TRPC5OS: variants seen among roughly 807,000 people sequenced by gnomAD.
TRPC5OS encodes TRPC5 opposite strand.
For synonymous variants in TRPC5OS, 30 were observed against 29.3 expected, an observed-to-expected ratio of 1.02 and a Z score of -0.08; for missense variants, 64 against 79.3, an observed-to-expected ratio of 0.81 and a Z score of 0.73.
chrX:111,877,451 G>A (rs149545660), intron 1 of TRPC5OS, among the ~76,000 whole-genome samples: 1,652 of 110,907 alleles, frequency 0.015, 29 homozygotes, highest in African/African-American at 0.052. Context: ...CCGAGGACAC[G>A]GAACTTTCAG....
intron 3 of TRPC5OS, among the ~76,000 whole-genome samples, chrX:111,898,468 A>G (rs185369755): frequency 1.0e-4 from 11 of 108,980 alleles, no homozygotes; most frequent in East Asian, 5.8e-4. Flanking sequence ...TCCCACATGC[A>G]TGGTTGAAGC....
At chrX:111,899,415 G>GGA (rs977777787) in intron 3 of TRPC5OS, among the ~76,000 whole-genome samples, 10 of 111,394 alleles carry the variant, frequency 9.0e-5, no homozygotes, top group African/African-American at 3.3e-4. Flanking sequence ...TCCAGTTTTA[G>GGA]GAGAGAGAGA....
rs1206321204 is a variant in TRPC5OS at position 111,886,255 on chromosome X, G to A, written c.-545-9696G>A. ...AGATCATGCCATTGCACTCCAGCCTGGGCGACAAGAGTGAAACTCTGTCAA... is the reference window on the plus strand; with the variant it reads ...AGATCATGCCATTGCACTCCAGCCTAGGCGACAAGAGTGAAACTCTGTCAA... On this transcript the variant is annotated intron_variant, in intron 1 of 3. Transcript: ENST00000635763. 2.7e-5 allele frequency among the ~76,000 whole-genome samples: 3 copies of A among 112,384 alleles called. No individual in the cohort carries two copies. The South Asian group carries it at 1.1e-3, about 42-fold the overall frequency.
rs58112324 is a variant in TRPC5OS, at chrX:111,898,251, T to TTATA, written c.-311+1779_-311+1782dup. Among the ~76,000 whole-genome samples, 492 of 92,362 alleles carry TTATA rather than the reference T, an allele frequency of 5.3e-3. 2 individuals carry two copies. Among genetic ancestry groups the TTATA allele is most frequent in the Middle Eastern group, 0.017 (3 of 179 alleles). The allele number at this position is 92,362 out of a possible 115,157, so 80.2% of individuals were successfully genotyped here. On this transcript the variant is annotated intron_variant, in intron 3 of 3. Transcript: ENST00000635763. The stretch of plus-strand genomic sequence containing the variant: ...TTTTATTATTGAGTTGTAGGGGTTC[T>TTATA]TATATATATATATATATATATATAT...
At chrX:111,901,254 T>A (rs1925328017) in intron 3 of TRPC5OS, among the ~76,000 whole-genome samples, 1 of 111,375 alleles carries the variant, frequency 9.0e-6, no homozygotes, top group South Asian at 3.8e-4. Flanking sequence ...TGACAGACCC[T>A]GCGTGAGTGT....
chrX:111,878,037 T>A (rs147696703), intron 1 of TRPC5OS, among the ~76,000 whole-genome samples: 1,346 of 110,955 alleles, frequency 0.012, 23 homozygotes, highest in African/African-American at 0.042. Context: ...AGTAAAGAAG[T>A]ATGGGCAGCA....
intron 1 of TRPC5OS, among the ~76,000 whole-genome samples, chrX:111,883,605 T>C (rs1022433486): frequency 8.9e-6 from 1 of 112,582 alleles, no homozygotes; most frequent in Non-Finnish European, 1.9e-5. Context: ...CGAATTTTGA[T>C]AAAGTATAGC....
At chrX:111,884,298 G>C (rs1348956371) in intron 1 of TRPC5OS, among the ~76,000 whole-genome samples, 1 of 112,515 alleles carries the variant, frequency 8.9e-6, no homozygotes, top group African/African-American at 3.2e-5. Flanking sequence ...CCTAGTCAGA[G>C]CCCAGTTTAG....
chrX:111,902,976 G>A lies in TRPC5OS; in HGVS notation c.*791G>A, dbSNP rs1250919079. The A allele has an allele frequency of 8.9e-6, 1 of 111,893 alleles. No individual in the cohort carries two copies. Among genetic ancestry groups the A allele is most frequent in the South Asian group, 3.7e-4 (1 of 2,696 alleles). The allele number at this position is 111,893 out of a possible 1,213,427, so 9.2% of individuals were successfully genotyped here. A position where few individuals can be genotyped will look rare whatever the true frequency, so the allele number is the denominator to read the frequency against. On this transcript the variant is annotated 3_prime_UTR_variant, in exon 4 of 4. Transcript: ENST00000635763. ...GCCCTACAAGGACTATTCACCAATGGAAAGACAAACACTCACCATATTGGA... is the reference window on the plus strand; with the variant it reads ...GCCCTACAAGGACTATTCACCAATGAAAAGACAAACACTCACCATATTGGA...
At chrX:111,880,054 T>C (rs1052762169) in intron 1 of TRPC5OS, among the ~76,000 whole-genome samples, 1 of 111,901 alleles carries the variant, frequency 8.9e-6, no homozygotes, top group Non-Finnish European at 1.9e-5. Context: ...GTTTTCATAT[T>C]TTTAAAATGA....
Position 111,902,232 on chromosome X carries a change from T to C in TRPC5OS, c.*47T>C, listed in dbSNP as rs773297987. 2 of 857,444 alleles carry C rather than the reference T, an allele frequency of 2.3e-6. No homozygotes were observed. Among genetic ancestry groups the C allele is most frequent in the African/African-American group, 4.1e-5 (2 of 48,638 alleles). The allele number at this position is 857,444 out of a possible 1,213,427, so 70.7% of individuals were successfully genotyped here. ...CCCAGGGATGTGAAAACTGATCATT[T>C]CTCTGTTTTAATATATTCTTATTTT... On this transcript the variant is annotated 3_prime_UTR_variant, in exon 4 of 4. Coordinates refer to ENST00000635763, the MANE Select transcript of TRPC5OS (RefSeq NM_001195578.2).
chrX:111,879,879 T>C (rs891832769), intron 1 of TRPC5OS, among the ~76,000 whole-genome samples: 2 of 111,561 alleles, frequency 1.8e-5, no homozygotes. Flanking sequence ...ATTGTGCTAG[T>C]GTGATTTAGG....
chrX:111,878,937 G>A (rs1262058707), intron 1 of TRPC5OS, among the ~76,000 whole-genome samples: 1 of 111,811 alleles, frequency 8.9e-6, no homozygotes, highest in Non-Finnish European at 1.9e-5. Context: ...CCTGGAGTGA[G>A]TGAATGGCTC....
intron 1 of TRPC5OS, among the ~76,000 whole-genome samples, chrX:111,894,434 C>T (rs1924960118): frequency 8.9e-6 from 1 of 111,796 alleles, no homozygotes; most frequent in Admixed American, 9.5e-5. Context: ...ATCTCAGTTA[C>T]CAGATGGATA....
rs71710331 is a variant in TRPC5OS at position 111,894,733 on chromosome X, A to AT, written c.-545-1210dup. ...GGCCTAAAATTTAAAAAATAAAACT[A>AT]TTTTTTTTGAGGTATGGCATGCATA... is the stretch of plus-strand genomic sequence containing the variant. On this transcript the variant is annotated intron_variant, in intron 1 of 3. Transcript: ENST00000635763. Among the ~76,000 whole-genome samples, 124 of 110,682 alleles carry AT rather than the reference A, an allele frequency of 1.1e-3. 1 individual carries two copies. In the Middle Eastern group the frequency reaches 0.014, roughly 13 times the overall value.
At chrX:111,893,079 G>GTTTT (rs79584045) in intron 1 of TRPC5OS, among the ~76,000 whole-genome samples, 2 of 88,175 alleles carry the variant, frequency 2.3e-5, no homozygotes, top group African/African-American at 8.2e-5. Context: ...CAAATATAGG[G>GTTTT]TTTTTTTTTT....
At chrX:111,886,384 TCA>T (rs1281927489) in intron 1 of TRPC5OS, among the ~76,000 whole-genome samples, 2 of 112,998 alleles carry the variant, frequency 1.8e-5, no homozygotes, top group Non-Finnish European at 3.7e-5. Flanking sequence ...TCTTCATGTT[TCA>T]GTGATGTTTG....
intron 1 of TRPC5OS, among the ~76,000 whole-genome samples, chrX:111,890,534 G>T: frequency 9.0e-6 from 1 of 110,598 alleles, no homozygotes; most frequent in South Asian, 3.9e-4. Flanking sequence ...AGTATCTGTG[G>T]AAGGTCCTGG....
At chrX:111,888,629 G>A (rs1409579050) in intron 1 of TRPC5OS, among the ~76,000 whole-genome samples, 3 of 100,767 alleles carry the variant, frequency 3.0e-5, no homozygotes, top group African/African-American at 7.5e-5. Context: ...GGGAGGTGGA[G>A]GTTGTGGTGA....
Sources: allele counts gnomAD v4.1 joint callset (sites outside exome capture counted in the v4.1 genomes callset), GRCh38; gene constraint gnomAD v4.1.1; transcripts MANE v1.5; gene names NCBI Gene and HGNC (gene_info 2026-07-23, HGNC 2026-07-21).